The following ZNF425 variants were observed in gnomAD, a reference collection of about 807,000 sequenced individuals.
ZNF425 encodes zinc finger protein 425.
A neutral mutation model predicts 17.0 loss-of-function variants in ZNF425; 21 were observed. The ratio of observed to expected loss-of-function variants is 1.23; its 90% CI spans 0.88 to 1.78. The LOEUF (loss-of-function observed/expected upper bound fraction) is 1.78. Ranked by LOEUF, ZNF425 falls within the 40% of genes most tolerant of loss-of-function variation. ZNF425 has a pLI of 0.00. For missense variants in ZNF425, 868 were observed against 967.3 expected (o/e 0.90, Z 1.36); for synonymous variants, 433 against 384.1 (o/e 1.13, Z -1.49).
chr7:149,117,600 C>T (rs1276686598), intron 2 of ZNF425, among the ~76,000 whole-genome samples: 3 of 40,910 alleles, frequency 7.3e-5, no homozygotes, highest in African/African-American at 2.5e-4. Context: ...AAAGAATACA[C>T]TTCTTTTAAA....
chr7:149,103,820 T>G lies in ZNF425; in HGVS notation c.2051A>C (p.His684Pro). ...CCTCTCTCCACTGTGCTTATACAAG[T>G]GGACCTTCAAGCTGCCCCTGATGCA... ...SYCIRGSLKV[H>P]LYKHSGERPF... Residue 684 changes from histidine to proline, a missense_variant, in exon 4 of 4, where the codon CAC becomes CCC. By Grantham distance (77) the His-to-Pro change is moderately conservative (BLOSUM62 -2). Coordinates refer to ENST00000378061, the MANE Select transcript of ZNF425 (RefSeq NM_001001661.3). 6.2e-7 allele frequency: 1 copy of G among 1,614,016 alleles called. No homozygotes were observed. The highest frequency in any genetic ancestry group is 8.5e-7 in the Non-Finnish European group (1 of 1,179,994).
rs1826101936 is a variant in ZNF425, at chr7:149,107,501, C to G, written c.305-1935G>C. On this transcript the variant is annotated intron_variant, in intron 3 of 3. Transcript: ENST00000378061. ...TACAGGCGCCCACCACCACGCCCGG[C>G]TAATTTTTTGTATTTTTAGTAGAGA... 2.0e-5 allele frequency among the ~76,000 whole-genome samples: 3 copies of G among 151,878 alleles called. No individual in the cohort carries two copies. In the South Asian group the frequency reaches 6.2e-4, roughly 32 times the overall value.
chr7:149,125,255 T>C (rs1169645058), intron 1 of ZNF425, among the ~76,000 whole-genome samples: 2 of 152,176 alleles, frequency 1.3e-5, no homozygotes, highest in Non-Finnish European at 2.9e-5. Flanking sequence ...CAAGAAAAAC[T>C]TGCACACTTA....
At chr7:149,119,909 C>T (rs956711442) in intron 1 of ZNF425, among the ~76,000 whole-genome samples, 3 of 151,928 alleles carry the variant, frequency 2.0e-5, no homozygotes, top group East Asian at 1.9e-4. Flanking sequence ...AAGATGTGCA[C>T]GGGGTATATG....
rs562703059 is a variant in ZNF425, at chr7:149,108,983, C to A, written c.304+3154G>T. On this transcript the variant is annotated intron_variant, in intron 3 of 3. Coordinates refer to ENST00000378061, the MANE Select transcript of ZNF425 (RefSeq NM_001001661.3). Reference sequence around the variant, plus strand: ...GCAATCCTGGCCTCACGTCGTCTAACACCAATTTATGTTTTTCCTCCCATG... The same window carrying A: ...GCAATCCTGGCCTCACGTCGTCTAAAACCAATTTATGTTTTTCCTCCCATG... 3.4e-5 allele frequency among the ~76,000 whole-genome samples: 5 copies of A among 147,898 alleles called. No individual in the cohort carries two copies. In the South Asian group the frequency reaches 1.1e-3, roughly 32 times the overall value.
At chr7:149,124,660 G>C (rs1250839760) in intron 1 of ZNF425, among the ~76,000 whole-genome samples, 1 of 152,122 alleles carries the variant, frequency 6.6e-6, no homozygotes, top group Non-Finnish European at 1.5e-5. Flanking sequence ...TCTTGCCTCA[G>C]CCTCCCCAGT....
chr7:149,116,948 T>C (rs1275536240), intron 2 of ZNF425, among the ~76,000 whole-genome samples: 1 of 152,132 alleles, frequency 6.6e-6, no homozygotes, highest in African/African-American at 2.4e-5. Context: ...AGATCACTTA[T>C]TATATTGATA....
intron 3 of ZNF425, among the ~76,000 whole-genome samples, chr7:149,107,497 C>A (rs1826101812): frequency 6.6e-6 from 1 of 151,664 alleles, no homozygotes; most frequent in South Asian, 2.1e-4. Context: ...ACCACCACGC[C>A]CGGCTAATTT....
intron 2 of ZNF425, among the ~76,000 whole-genome samples, chr7:149,113,710 C>T (rs1217665908): frequency 3.3e-5 from 5 of 151,886 alleles, no homozygotes; most frequent in Non-Finnish European, 5.9e-5. Flanking sequence ...TGCCACCACG[C>T]CCGGCTAATG....
chr7:149,125,460 A>AT, intron 1 of ZNF425, among the ~76,000 whole-genome samples: 1 of 152,146 alleles, frequency 6.6e-6, no homozygotes, highest in African/African-American at 2.4e-5. Flanking sequence ...GCGGTCTCCA[A>AT]TTTCTCTCAG....
intron 1 of ZNF425, among the ~76,000 whole-genome samples, chr7:149,122,507 A>G (rs146253624): frequency 5.3e-5 from 8 of 152,126 alleles, no homozygotes; most frequent in African/African-American, 1.7e-4. Context: ...CGCTCTTAAC[A>G]GGATCCTTCA....
intron 3 of ZNF425, among the ~76,000 whole-genome samples, chr7:149,108,465 C>T (rs1295763391): frequency 6.6e-6 from 1 of 152,160 alleles, no homozygotes; most frequent in Non-Finnish European, 1.5e-5. Flanking sequence ...GTTAAATCTT[C>T]CTAAAAACAT....
intron 2 of ZNF425, among the ~76,000 whole-genome samples, chr7:149,113,895 G>A (rs943732033): frequency 6.6e-6 from 1 of 151,342 alleles, no homozygotes; most frequent in South Asian, 2.1e-4. Context: ...TATGCCTGTG[G>A]TCCCAGCTAC....
rs779733287 is a variant in ZNF425 at position 149,104,845 on chromosome 7, C to T, written c.1026G>A (p.Lys342=). The T allele has an allele frequency of 2.0e-5, 33 of 1,613,776 alleles. No homozygotes were observed. Among genetic ancestry groups the T allele is most frequent in the Admixed American group, 3.3e-5 (2 of 59,990 alleles). Residue 342 remains lysine (K), a synonymous_variant, in exon 4 of 4, where the codon AAG becomes AAA. Coordinates refer to ENST00000378061, the MANE Select transcript of ZNF425 (RefSeq NM_001001661.3). This position sits in a 1 kb window ranked among gnomAD's most constrained non-coding sequence, Gnocchi z 4.3. ...CPQCDRCFRL[K]RGMKVHLTQH... is the part of the protein sequence containing the mutation. ...GGGTCAGATGGACCTTCATGCCCCT[C>T]TTCAGGCGGAAGCACCGGTCACACT...
Position 149,105,245 on chromosome 7 carries a change from T to C in ZNF425, c.626A>G (p.Lys209Arg), listed in dbSNP as rs756275777. 7 of 1,614,216 alleles carry C rather than the reference T, an allele frequency of 4.3e-6. No individual in the cohort carries two copies. The South Asian group carries it at 6.6e-5, about 15-fold the overall frequency. ...FQVRRDLLKH[K>R]RSHSKSQLCR... ...GAGCTGGCTCTTGGAGTGGCTCCGT[T>C]TGTGCTTTAGCAAATCCCTCCTTAC... The change falls in exon 4 of 4, where the codon AAA (lysine) becomes AGA (arginine). Residue 209 changes from lysine to arginine, a missense_variant. Lys to Arg is a conservative substitution (Grantham distance 26). Coordinates refer to ENST00000378061, the MANE Select transcript of ZNF425 (RefSeq NM_001001661.3).
intron 1 of ZNF425, chr7:149,118,784 C>T (rs150554463): frequency 0.012 from 2,774 of 223,156 alleles, 73 homozygotes; most frequent in African/African-American, 0.061. Flanking sequence ...CACTGCACTC[C>T]AGCCTGGGCT....
chr7:149,108,367 A>C (rs912615938), intron 3 of ZNF425, among the ~76,000 whole-genome samples: 2 of 152,182 alleles, frequency 1.3e-5, no homozygotes, highest in Non-Finnish European at 2.9e-5. Context: ...CAACATGATC[A>C]TATGATTTAG....
intron 1 of ZNF425, among the ~76,000 whole-genome samples, chr7:149,122,565 C>G (rs1826376624): frequency 6.6e-6 from 1 of 152,056 alleles, no homozygotes; most frequent in African/African-American, 2.4e-5. Flanking sequence ...CACTTTTTTC[C>G]CTTTATTGAT....
chr7:149,109,140 C>T (rs1302525579), intron 3 of ZNF425, among the ~76,000 whole-genome samples: 9 of 149,596 alleles, frequency 6.0e-5, no homozygotes, highest in African/African-American at 1.5e-4. Context: ...TGCAGTGGCG[C>T]GATCTTGGCT....
Sources: allele counts gnomAD v4.1 joint callset (sites outside exome capture counted in the v4.1 genomes callset), GRCh38; gene constraint gnomAD v4.1.1; non-coding constraint Gnocchi (gnomAD v3.1); transcripts MANE v1.5; gene names NCBI Gene and HGNC (gene_info 2026-07-23, HGNC 2026-07-21).